Variants in ITGB5 observed in about 807,000 individuals in gnomAD.
The protein encoded by ITGB5 is integrin subunit beta 5, also known as integrin beta-5.
In ITGB5, 38 loss-of-function variants were observed where a neutral mutation model predicts 84.8. The ratio of observed to expected loss-of-function variants is 0.45; its 90% CI spans 0.35 to 0.59. The LOEUF (loss-of-function observed/expected upper bound fraction) is 0.59. Among genes scored for constraint, ITGB5 ranks in the 20% least tolerant of loss-of-function variants. The pLI, the probability that ITGB5 is intolerant of heterozygous loss-of-function variation, is 0.01. For synonymous variants in ITGB5, 393 were observed against 414.4 expected, an observed-to-expected ratio of 0.95 and a Z score of 0.63; for missense variants, 905 against 1,034.5, an observed-to-expected ratio of 0.87 and a Z score of 1.72.
chr3:124,808,168 A>T (rs998827020), intron 9 of ITGB5, among the ~76,000 whole-genome samples: 2 of 152,140 alleles, frequency 1.3e-5, no homozygotes, highest in Non-Finnish European at 2.9e-5. Context: ...CTTGGCCGTC[A>T]TGAGTGCTAT....
At chr3:124,859,543 A>G in intron 2 of ITGB5, 97 bp from the exon 3 acceptor site, 6 of 858,244 alleles carry the variant, frequency 7.0e-6, no homozygotes, top group Non-Finnish European at 1.1e-5. Flanking sequence ...TTGACCTTAA[A>G]TTCTCTACTT....
chr3:124,768,549 G>A (rs910924627), intron 12 of ITGB5, among the ~76,000 whole-genome samples: 2 of 152,170 alleles, frequency 1.3e-5, no homozygotes, highest in African/African-American at 2.4e-5. Context: ...AGGCCTCACC[G>A]TGCCGTAGCG....
At chr3:124,793,220 A>G (rs1165728782) in intron 10 of ITGB5, 1 of 152,284 alleles carries the variant, frequency 6.6e-6, no homozygotes, top group Non-Finnish European at 1.5e-5. Context: ...ACGTGCACAC[A>G]GCATCTGACT....
At chr3:124,854,510 C>G (rs1179736826) in intron 3 of ITGB5, among the ~76,000 whole-genome samples, 2 of 152,104 alleles carry the variant, frequency 1.3e-5, no homozygotes, top group African/African-American at 4.8e-5. Context: ...AGCTAAAAGA[C>G]CCACACATTT....
chr3:124,823,854 C>G (rs560243246), intron 5 of ITGB5, among the ~76,000 whole-genome samples: 1 of 152,088 alleles, frequency 6.6e-6, no homozygotes, highest in East Asian at 1.9e-4. Context: ...CAAAAGGGCA[C>G]AGCCATGTGC....
chr3:124,873,793 T>C (rs1284757003), intron 1 of ITGB5, among the ~76,000 whole-genome samples: 1 of 152,080 alleles, frequency 6.6e-6, no homozygotes. Context: ...ATTTTCCCCA[T>C]AACTCAGCAA....
rs146509904 is a variant in ITGB5 at position 124,796,692 on chromosome 3, G to A, written c.1389C>T (p.Cys463=). The change falls in exon 10 of 15, where the codon TGC becomes TGT. Residue 463 remains cysteine, a synonymous_variant. Transcript: ENST00000296181. ...LEVGVTYNCT[C]GCSVGLEPNS... is the part of the protein sequence containing the mutation. ...TGGGTTCCAGCCCCACGCTGCAGCC[G>A]CACGTGCAGTTGTAGGTGACCCCCA... 7.4e-5 allele frequency: 119 copies of A among 1,614,004 alleles called. No individual in the cohort carries two copies. In the African/African-American group the frequency reaches 8.1e-4, roughly 11 times the overall value.
At chr3:124,778,197 T>G (rs2063951980) in intron 10 of ITGB5, among the ~76,000 whole-genome samples, 1 of 152,266 alleles carries the variant, frequency 6.6e-6, no homozygotes, top group East Asian at 1.9e-4. Context: ...GAAATCCCTG[T>G]GCAAGCTGTG....
At chr3:124,869,709 T>C (rs2065447362) in intron 2 of ITGB5, among the ~76,000 whole-genome samples, 1 of 152,162 alleles carries the variant, frequency 6.6e-6, no homozygotes, top group Non-Finnish European at 1.5e-5. Flanking sequence ...CATAGGAATT[T>C]CTTCAGCTAA....
At chr3:124,883,360 A>T (rs1338150759) in intron 1 of ITGB5, among the ~76,000 whole-genome samples, 1 of 152,250 alleles carries the variant, frequency 6.6e-6, no homozygotes, top group African/African-American at 2.4e-5. Context: ...ATTAGAGCTA[A>T]TTAGACCCTG....
At chr3:124,875,608 C>T (rs1934274780) in intron 1 of ITGB5, among the ~76,000 whole-genome samples, 1 of 152,056 alleles carries the variant, frequency 6.6e-6, no homozygotes, top group Non-Finnish European at 1.5e-5. Flanking sequence ...TATGGAGGTT[C>T]CTTAAACCAG....
At chr3:124,846,332 T>C (rs1045930141) in intron 4 of ITGB5, among the ~76,000 whole-genome samples, 12 of 149,930 alleles carry the variant, frequency 8.0e-5, no homozygotes, top group Non-Finnish European at 1.3e-4. Context: ...GAATTGAGAA[T>C]GGCATCACAA....
intron 10 of ITGB5, chr3:124,792,763 T>A (rs1052647290): frequency 1.3e-5 from 2 of 152,148 alleles, no homozygotes; most frequent in Non-Finnish European, 2.9e-5. Flanking sequence ...CAGGATTGTA[T>A]GGGGTGAAGG....
At chr3:124,871,033 G>A (rs1012773380) in intron 2 of ITGB5, among the ~76,000 whole-genome samples, 1 of 152,010 alleles carries the variant, frequency 6.6e-6, no homozygotes, top group Non-Finnish European at 1.5e-5. Flanking sequence ...GGGACTACAG[G>A]CATGCACTAG....
chr3:124,766,450 G>T (rs564903910), intron 12 of ITGB5, 105 bp from the exon 13 acceptor site: 12 of 1,385,104 alleles, frequency 8.7e-6, no homozygotes, highest in Non-Finnish European at 1.1e-5. Flanking sequence ...AAGGGCATGG[G>T]GGGTGTGGGC....
intron 4 of ITGB5, among the ~76,000 whole-genome samples, chr3:124,847,816 G>A (rs573825379): frequency 1.3e-5 from 2 of 152,146 alleles, no homozygotes; most frequent in South Asian, 4.2e-4. Context: ...TCTAGTTCAG[G>A]TGTTTATGTT....
intron 3 of ITGB5, among the ~76,000 whole-genome samples, chr3:124,849,384 A>T (rs1439345757): frequency 6.6e-6 from 1 of 152,214 alleles, no homozygotes; most frequent in Non-Finnish European, 1.5e-5. Context: ...AGAGAAACAA[A>T]GATCGTTGTT....
At chr3:124,769,622 C>T (rs1472117116) in intron 11 of ITGB5, 1 of 152,376 alleles carries the variant, frequency 6.6e-6, no homozygotes, top group African/African-American at 2.4e-5. Flanking sequence ...CTCCCAGTAC[C>T]TGGGCCCAAC....
intron 10 of ITGB5, among the ~76,000 whole-genome samples, chr3:124,788,147 A>G (rs554393459): frequency 1.2e-3 from 181 of 152,102 alleles, no homozygotes; most frequent in African/African-American, 4.3e-3. Flanking sequence ...CAATCCACCC[A>G]CCACCTTGGC....
Sources: allele counts gnomAD v4.1 joint callset (sites outside exome capture counted in the v4.1 genomes callset), GRCh38; gene constraint gnomAD v4.1.1; transcripts MANE v1.5; gene names NCBI Gene and HGNC (gene_info 2026-07-23, HGNC 2026-07-21).